Variants in COQ10B observed in about 807,000 individuals in gnomAD.
COQ10B encodes the protein coenzyme Q10B.
Under a neutral mutation model 27.6 loss-of-function variants are expected in COQ10B, and 12 were observed. The ratio of observed to expected loss-of-function variants is 0.43; its 90% confidence interval spans 0.28 to 0.70. COQ10B has a LOEUF of 0.70. Ranked by LOEUF, COQ10B falls within the 30% of genes least tolerant of loss-of-function variation. COQ10B has a pLI of 0.17. For missense variants in COQ10B, 278 were observed against 288.7 expected (o/e 0.96, Z 0.27); for synonymous variants, 115 against 103.0 (o/e 1.12, Z -0.71).
At chr2:197,473,026 G>GT (rs1249942750) in intron 4 of COQ10B, among the ~76,000 whole-genome samples, 1 of 151,962 alleles carries the variant, frequency 6.6e-6, no homozygotes, top group Non-Finnish European at 1.5e-5. Context: ...TTCAGCAAAG[G>GT]TTTTTTCCAG....
Position 197,467,270 on chromosome 2 carries a change from AT to A in COQ10B, c.448-2797del. Among the ~76,000 whole-genome samples the A allele has an allele frequency of 3.3e-5, 5 of 149,972 alleles. No homozygotes were observed. The Admixed American group carries it at 3.3e-4, about 10-fold the overall frequency. ...CCTGGGTTCTGGATTTTATTTATTT[AT>A]TTATTTATTTATTTATTTAGATGGA... is the stretch of plus-strand genomic sequence containing the variant. On this transcript the variant is annotated intron_variant, in intron 3 of 4. Coordinates refer to ENST00000263960, the MANE Select transcript of COQ10B (RefSeq NM_025147.5).
intron 3 of COQ10B, among the ~76,000 whole-genome samples, chr2:197,468,381 TG>T (rs1574585504): frequency 6.9e-6 from 1 of 144,464 alleles, no homozygotes; most frequent in Non-Finnish European, 1.5e-5. Context: ...AGGCGGAGCT[TG>T]CAGTGAGTCG....
intron 3 of COQ10B, among the ~76,000 whole-genome samples, chr2:197,469,381 T>C (rs2085857543): frequency 6.6e-6 from 1 of 152,150 alleles, no homozygotes; most frequent in African/African-American, 2.4e-5. Flanking sequence ...CAATAAGTAT[T>C]TTTTTTATGA....
At chr2:197,453,716 C>G (rs779364144) in intron 1 of COQ10B, 52 bp downstream of exon 1, 2 of 1,458,836 alleles carry the variant, frequency 1.4e-6, no homozygotes, top group South Asian at 1.1e-5. Context: ...TTTTGGCTGC[C>G]GAGTTGGGGG....
intron 1 of COQ10B, among the ~76,000 whole-genome samples, chr2:197,455,466 G>GA (rs558187291): frequency 1.6e-3 from 237 of 149,590 alleles, no homozygotes; most frequent in Middle Eastern, 7.0e-3. Context: ...CCAAAAAAAA[G>GA]AAAAAAAAAT....
chr2:197,454,669 A>G (rs2085676904), intron 1 of COQ10B, among the ~76,000 whole-genome samples: 1 of 152,078 alleles, frequency 6.6e-6, no homozygotes, highest in South Asian at 2.1e-4. Context: ...ATCTGTTTGT[A>G]TTACTCTTAT....
chr2:197,463,902 C>G (rs2085787494), intron 3 of COQ10B, among the ~76,000 whole-genome samples: 1 of 126,058 alleles, frequency 7.9e-6, no homozygotes, highest in African/African-American at 3.1e-5. Context: ...CCAGTGCACT[C>G]CAGCCTGGGC....
chr2:197,466,434 A>G (rs552006714), intron 3 of COQ10B, among the ~76,000 whole-genome samples: 5 of 152,202 alleles, frequency 3.3e-5, no homozygotes, highest in Admixed American at 2.6e-4. Flanking sequence ...GCTTTCTTTT[A>G]TCACTCTGTA....
rs534668999 is a variant in COQ10B at position 197,453,581 on chromosome 2, T to C, written c.21T>C (p.His7=). The change falls in exon 1 of 5, where the codon CAT becomes CAC. Residue 7 remains histidine, a synonymous_variant. Transcript: ENST00000263960. ...CTATCATGGCAGCTCGGACTGGTCA[T>C]ACGGCCTTGAGAAGGGTAGTCTCGG... MAARTG[H]TALRRVVSGC... is the part of the protein sequence containing the mutation. 210 of 1,613,894 alleles carry C rather than the reference T, an allele frequency of 1.3e-4. 4 individuals carry two copies. The South Asian group carries it at 2.1e-3, about 16-fold the overall frequency.
intron 3 of COQ10B, among the ~76,000 whole-genome samples, chr2:197,468,750 G>T (rs749527471): frequency 4.1e-4 from 62 of 152,204 alleles, no homozygotes; most frequent in Non-Finnish European, 7.9e-4. Flanking sequence ...TTGAGCCCAG[G>T]AGTTCATTAC....
chr2:197,458,894 C>A (rs1317088351), intron 1 of COQ10B, among the ~76,000 whole-genome samples: 4 of 152,042 alleles, frequency 2.6e-5, no homozygotes, highest in African/African-American at 9.7e-5. Context: ...GTTAGTCAGG[C>A]TGGTCTTGAA....
chr2:197,471,768 C>G (rs1369408570), intron 4 of COQ10B, among the ~76,000 whole-genome samples: 1 of 151,728 alleles, frequency 6.6e-6, no homozygotes, highest in African/African-American at 2.4e-5. Context: ...ATGGCGAAAC[C>G]CCATCTCTAC....
intron 3 of COQ10B, among the ~76,000 whole-genome samples, chr2:197,464,092 T>C (rs530677521): frequency 7.3e-5 from 10 of 136,996 alleles, no homozygotes; most frequent in East Asian, 2.1e-4. Context: ...TATATATATA[T>C]ACATATATAT....
In COQ10B at chr2:197,455,999, A is replaced by C. The variant is rs139902116; in HGVS notation, c.104+2335A>C. Among the ~76,000 whole-genome samples the C allele has an allele frequency of 5.3e-3, 811 of 152,208 alleles. 4 individuals carry two copies. The highest frequency in any genetic ancestry group is 9.2e-3 in the Non-Finnish European group (624 of 68,002). Reference sequence around the variant, plus strand: ...AATAAAACAGAAGAATGGATAAAGAAAATGTGGTGTATATATTAATACACG... The same window carrying C: ...AATAAAACAGAAGAATGGATAAAGACAATGTGGTGTATATATTAATACACG... On this transcript the variant is annotated intron_variant, in intron 1 of 4. Coordinates refer to ENST00000263960, the MANE Select transcript of COQ10B (RefSeq NM_025147.5).
intron 3 of COQ10B, among the ~76,000 whole-genome samples, chr2:197,463,860 G>A (rs1440761695): frequency 1.4e-5 from 2 of 138,326 alleles, no homozygotes; most frequent in Non-Finnish European, 3.0e-5. Flanking sequence ...CTTGAACCCA[G>A]GAGGCAGAGG....
At chr2:197,453,691 G>T in intron 1 of COQ10B, 27 bp downstream of exon 1, 1 of 1,586,792 alleles carries the variant, frequency 6.3e-7, no homozygotes, top group Non-Finnish European at 8.7e-7. Context: ...GCGCTGAGAC[G>T]AGAGTAGTTT....
chr2:197,460,187 C>A, intron 2 of COQ10B, 106 bp downstream of exon 2: 1 of 714,548 alleles, frequency 1.4e-6, no homozygotes, highest in Non-Finnish European at 2.1e-6. Context: ...AGACTAAGCT[C>A]TCTTTTCTAG....
chr2:197,474,065 C>G lies in COQ10B; in HGVS notation c.*141C>G. ...ATAAACCTGCACCATTGAAAATTTGCACATAGAATATAGACTCACTTGTAC... is the reference window on the plus strand; with the variant it reads ...ATAAACCTGCACCATTGAAAATTTGGACATAGAATATAGACTCACTTGTAC... On this transcript the variant is annotated 3_prime_UTR_variant, in exon 5 of 5. Transcript: ENST00000263960. 2.0e-6 allele frequency: 1 copy of G among 505,182 alleles called. No homozygotes were observed. The highest frequency in any genetic ancestry group is 3.3e-6 in the Non-Finnish European group (1 of 306,374). The allele number at this position is 505,182 out of a possible 1,614,324, so 31.3% of individuals were successfully genotyped here.
At chr2:197,458,683 T>C (rs1317797210) in intron 1 of COQ10B, among the ~76,000 whole-genome samples, 2 of 138,138 alleles carry the variant, frequency 1.4e-5, no homozygotes, top group Non-Finnish European at 3.2e-5. Context: ...TTCTTTTCTC[T>C]TTTTTTTTTT....
Sources: allele counts gnomAD v4.1 joint callset (sites outside exome capture counted in the v4.1 genomes callset), GRCh38; gene constraint gnomAD v4.1.1; transcripts MANE v1.5; gene names NCBI Gene and HGNC (gene_info 2026-07-23, HGNC 2026-07-21).